Variants in SPOCK3 observed in about 807,000 individuals in gnomAD.
SPOCK3 encodes SPARC (osteonectin), cwcv and kazal like domains proteoglycan 3, also known as testican-3.
A neutral mutation model predicts 56.6 loss-of-function variants in SPOCK3; 30 were observed. That is an observed-to-expected ratio of 0.53 (90% confidence interval 0.40 to 0.72). SPOCK3 has a LOEUF of 0.72. Among genes scored for constraint, SPOCK3 ranks in the 30% least tolerant of loss-of-function variants. The pLI, the probability that SPOCK3 is intolerant of heterozygous loss-of-function variation, is 0.00. For synonymous variants in SPOCK3, 196 were observed against 183.3 expected, an observed-to-expected ratio of 1.07 and a Z score of -0.56; for missense variants, 527 against 530.0, an observed-to-expected ratio of 0.99 and a Z score of 0.06.
intron 5 of SPOCK3, among the ~76,000 whole-genome samples, chr4:166,901,196 G>T (rs1239494109): frequency 3.3e-5 from 5 of 152,090 alleles, no homozygotes; most frequent in Admixed American, 3.3e-4. Context: ...GTGAATGAAT[G>T]CTACCAGTCT....
chr4:166,933,784 A>G (rs1376551678), intron 4 of SPOCK3, among the ~76,000 whole-genome samples: 1 of 152,154 alleles, frequency 6.6e-6, no homozygotes, highest in South Asian at 2.1e-4. Flanking sequence ...AAACAGAGGG[A>G]GGCTTACTAC....
At chr4:167,086,063 A>T (rs1403704480) in intron 2 of SPOCK3, among the ~76,000 whole-genome samples, 1 of 152,070 alleles carries the variant, frequency 6.6e-6, no homozygotes, top group Non-Finnish European at 1.5e-5. Context: ...TAATGTATTC[A>T]TGGGGTTATG....
intron 4 of SPOCK3, among the ~76,000 whole-genome samples, chr4:166,953,989 A>T (rs1743066584): frequency 6.6e-6 from 1 of 152,160 alleles, no homozygotes; most frequent in Admixed American, 6.5e-5. Flanking sequence ...ATGCTAGATG[A>T]CGAGTTAGTG....
chr4:167,140,298 G>T (rs1192394471), intron 2 of SPOCK3, among the ~76,000 whole-genome samples: 1 of 152,030 alleles, frequency 6.6e-6, no homozygotes, highest in East Asian at 1.9e-4. Flanking sequence ...CATATTGTTG[G>T]TAACAGTTGT....
chr4:166,927,870 A>C (rs1363143313), intron 4 of SPOCK3, among the ~76,000 whole-genome samples: 11 of 152,182 alleles, frequency 7.2e-5, no homozygotes, highest in Admixed American at 2.6e-4. Context: ...AAAATAATAT[A>C]AAAAACTCAA....
chr4:166,794,726 T>A (rs1244774693), intron 6 of SPOCK3, among the ~76,000 whole-genome samples: 2 of 146,642 alleles, frequency 1.4e-5, no homozygotes, highest in Non-Finnish European at 3.0e-5. Flanking sequence ...CACTGCAACC[T>A]CTGCCTTTCG....
intron 4 of SPOCK3, among the ~76,000 whole-genome samples, chr4:166,961,422 T>TG (rs1278222451): frequency 6.6e-6 from 1 of 151,974 alleles, no homozygotes; most frequent in Non-Finnish European, 1.5e-5. Flanking sequence ...GATAATTTAG[T>TG]GGGGGGTCAT....
At chr4:166,743,641 G>A (rs531305572) in intron 8 of SPOCK3, among the ~76,000 whole-genome samples, 2 of 152,180 alleles carry the variant, frequency 1.3e-5, no homozygotes, top group South Asian at 2.1e-4. Flanking sequence ...AGTATGAGCC[G>A]AAGCAGGGCG....
intron 6 of SPOCK3, among the ~76,000 whole-genome samples, chr4:166,873,994 A>G (rs1230916458): frequency 6.6e-6 from 1 of 152,188 alleles, no homozygotes; most frequent in Non-Finnish European, 1.5e-5. Flanking sequence ...ACCTTGTAGT[A>G]GCTTTTGTCC....
chr4:166,862,871 T>A (rs1205877784), intron 6 of SPOCK3, among the ~76,000 whole-genome samples: 1 of 151,906 alleles, frequency 6.6e-6, no homozygotes, highest in Non-Finnish European at 1.5e-5. Context: ...AATTTTTATA[T>A]ACTTAAAATT....
At chr4:167,036,475 C>T (rs1752766229) in intron 3 of SPOCK3, among the ~76,000 whole-genome samples, 1 of 152,096 alleles carries the variant, frequency 6.6e-6, no homozygotes, top group African/African-American at 2.4e-5. Flanking sequence ...AAGAAATACA[C>T]AAAAAAACAA....
chr4:166,953,004 C>T (rs1338356002), intron 4 of SPOCK3, among the ~76,000 whole-genome samples: 1 of 151,544 alleles, frequency 6.6e-6, no homozygotes, highest in Non-Finnish European at 1.5e-5. Context: ...TAGGCATTAC[C>T]ATTCAGGACA....
chr4:166,833,906 G>A (rs1032656354), intron 6 of SPOCK3, among the ~76,000 whole-genome samples: 4 of 152,080 alleles, frequency 2.6e-5, no homozygotes, highest in Non-Finnish European at 4.4e-5. Flanking sequence ...GCTCAAGAGC[G>A]GTTTGTTCCT....
rs1182918918 is a variant in SPOCK3 at position 166,733,753 on chromosome 4, C to T, written c.*1168G>A. On this transcript the variant is annotated 3_prime_UTR_variant, in exon 11 of 11. Transcript: ENST00000357545. Reference sequence around the variant, plus strand: ...CAGTTAAATCTTAAATGCTACTCTACACAATAATCATAAACAAGTCCACAT... The same window carrying T: ...CAGTTAAATCTTAAATGCTACTCTATACAATAATCATAAACAAGTCCACAT... 2.0e-5 allele frequency: 3 copies of T among 152,210 alleles called. No individual in the cohort carries two copies. The highest frequency in any genetic ancestry group is 7.2e-5 in the African/African-American group (3 of 41,406). The allele number at this position is 152,210 out of a possible 1,614,324, so 9.4% of individuals were successfully genotyped here.
chr4:166,976,142 T>G (rs887102910), intron 4 of SPOCK3, among the ~76,000 whole-genome samples: 1 of 142,276 alleles, frequency 7.0e-6, no homozygotes, highest in South Asian at 2.3e-4. Flanking sequence ...AAACAGCCAA[T>G]TAACTAACCA....
At chr4:167,077,850 G>A (rs574999429) in intron 2 of SPOCK3, among the ~76,000 whole-genome samples, 24 of 151,888 alleles carry the variant, frequency 1.6e-4, no homozygotes, top group African/African-American at 5.5e-4. Context: ...AGAGAGGAAA[G>A]AAAGGTGGAA....
intron 6 of SPOCK3, among the ~76,000 whole-genome samples, chr4:166,849,253 T>G (rs1009019916): frequency 2.0e-5 from 3 of 152,180 alleles, no homozygotes; most frequent in Non-Finnish European, 4.4e-5. Context: ...TACACATAAT[T>G]TATGTGTGTG....
chr4:166,937,364 T>C (rs916764732), intron 4 of SPOCK3, among the ~76,000 whole-genome samples: 49 of 150,276 alleles, frequency 3.3e-4, no homozygotes, highest in Admixed American at 2.0e-3. Context: ...GGTGTATATA[T>C]ACATATACAT....
intron 2 of SPOCK3, among the ~76,000 whole-genome samples, chr4:167,075,787 G>A (rs1164114106): frequency 1.3e-5 from 2 of 151,802 alleles, no homozygotes; most frequent in African/African-American, 4.8e-5. Context: ...GACTACAAGT[G>A]CACACCACCA....
Sources: allele counts gnomAD v4.1 joint callset (sites outside exome capture counted in the v4.1 genomes callset), GRCh38; gene constraint gnomAD v4.1.1; transcripts MANE v1.5; gene names NCBI Gene and HGNC (gene_info 2026-07-23, HGNC 2026-07-21).